JAK1: variants seen among roughly 807,000 people sequenced by gnomAD.
The protein encoded by JAK1 is Janus kinase 1, also known as tyrosine-protein kinase JAK1.
A neutral mutation model predicts 136.6 loss-of-function variants in JAK1; 16 were observed. The ratio of observed to expected loss-of-function variants is 0.12; its 90% confidence interval spans 0.08 to 0.18. The LOEUF is 0.18. Among genes scored for constraint, JAK1 ranks in the 10% least tolerant of loss-of-function variants. The probability of loss-of-function intolerance (pLI) is 1.00; values close to 1 mark genes in which losing one functional copy is unlikely to be tolerated. For missense variants in JAK1, 859 were observed against 1,450.1 expected (o/e 0.59, Z 6.62); for synonymous variants, 492 against 519.5 (o/e 0.95, Z 0.72).
At chr1:64,974,144 A>G (rs1015633225) in intron 2 of JAK1, 1 of 152,224 alleles carries the variant, frequency 6.6e-6, no homozygotes, top group African/African-American at 2.4e-5. Flanking sequence ...TGGTATGGGT[A>G]TCACACATTT....
At chr1:64,960,901 C>T (rs1273303552) in intron 1 of JAK1, among the ~76,000 whole-genome samples, 3 of 152,190 alleles carry the variant, frequency 2.0e-5, no homozygotes, top group Non-Finnish European at 4.4e-5. Flanking sequence ...CCATACTGTG[C>T]TGTGATTAAC....
At chr1:64,851,224 C>G (rs978536928) in intron 11 of JAK1, among the ~76,000 whole-genome samples, 2 of 152,100 alleles carry the variant, frequency 1.3e-5, no homozygotes, top group Non-Finnish European at 2.9e-5. Context: ...GAAACAGTTT[C>G]CCTAATGAAA....
intron 2 of JAK1, among the ~76,000 whole-genome samples, chr1:65,002,801 G>C (rs1295136702): frequency 2.6e-5 from 4 of 152,178 alleles, no homozygotes; most frequent in East Asian, 1.9e-4. Context: ...TGCGCCTGCC[G>C]CAGTTCCCGC....
chr1:64,928,798 A>AAAAAAAAAAAAAAC (rs1557699679), intron 1 of JAK1, among the ~76,000 whole-genome samples: 10 of 89,982 alleles, frequency 1.1e-4, no homozygotes, highest in African/African-American at 5.2e-4. Flanking sequence ...AAAAAAAAAC[A>AAAAAAAAAAAAAAC]AAAAAAAAAA....
intron 1 of JAK1, among the ~76,000 whole-genome samples, chr1:64,951,266 G>C (rs897185514): frequency 6.6e-6 from 1 of 152,096 alleles, no homozygotes; most frequent in Non-Finnish European, 1.5e-5. Flanking sequence ...GTCTCAATTC[G>C]ACCTAGCATA....
chr1:64,942,011 A>G lies in JAK1; in HGVS notation c.-78+24322T>C, dbSNP rs542388001. ...ATACAAGAACGATCCAGAATTATAT[A>G]AAAATCCAAAGAGAGAGAAACTACT... is the stretch of plus-strand genomic sequence containing the variant. On this transcript the variant is annotated intron_variant, in intron 1 of 24. Transcript: ENST00000342505. 2.6e-5 allele frequency: 4 copies of G among 152,370 alleles called. No individual in the cohort carries two copies. The East Asian group carries it at 7.7e-4, about 29-fold the overall frequency. 9.4% of individuals were successfully genotyped at this position (152,370 alleles called of 1,614,324 possible).
chr1:64,983,887 C>T (rs979252856), intron 2 of JAK1, among the ~76,000 whole-genome samples: 25 of 152,180 alleles, frequency 1.6e-4, no homozygotes, highest in Non-Finnish European at 5.9e-5. Context: ...AGAAATTAAA[C>T]TTAAGAGTTT....
chr1:64,838,252 GAACA>G, intron 21 of JAK1, 148 bp from the exon 22 acceptor site: 2 of 942,436 alleles, frequency 2.1e-6, no homozygotes, highest in Non-Finnish European at 3.1e-6. Context: ...AGAATATTAA[GAACA>G]AACTGATTCA....
At chr1:64,993,963 C>A (rs1262611185) in intron 2 of JAK1, among the ~76,000 whole-genome samples, 2 of 151,658 alleles carry the variant, frequency 1.3e-5, no homozygotes, top group Non-Finnish European at 2.9e-5. Context: ...TTTTTTGAGA[C>A]AAGGTCTCTC....
intron 1 of JAK1, among the ~76,000 whole-genome samples, chr1:64,886,793 G>C (rs1981066): frequency 0.066 from 6,875 of 103,924 alleles, 538 homozygotes; most frequent in African/African-American, 0.26. Context: ...CACACACACA[G>C]AGCTTTGTAT....
intron 1 of JAK1, among the ~76,000 whole-genome samples, chr1:64,910,605 G>A (rs1039617219): frequency 6.6e-6 from 1 of 152,052 alleles, no homozygotes; most frequent in Admixed American, 6.5e-5. Flanking sequence ...AGGCTAAGGC[G>A]GGCTGATCAC....
intron 2 of JAK1, among the ~76,000 whole-genome samples, chr1:64,999,225 T>A (rs1646730912): frequency 6.6e-6 from 1 of 152,240 alleles, no homozygotes; most frequent in African/African-American, 2.4e-5. Flanking sequence ...CTTCTCAGCA[T>A]GACATAATAG....
intron 2 of JAK1, among the ~76,000 whole-genome samples, chr1:65,030,868 A>G (rs915311959): frequency 6.6e-6 from 1 of 151,960 alleles, no homozygotes; most frequent in Non-Finnish European, 1.5e-5. Context: ...AAAAGAAAAA[A>G]CGGTGGCCAG....
At chr1:64,842,370 GA>G (rs1654960541) in intron 17 of JAK1, among the ~76,000 whole-genome samples, 1 of 147,696 alleles carries the variant, frequency 6.8e-6, no homozygotes, top group Non-Finnish European at 1.5e-5. Context: ...ACTTTTGGAA[GA>G]TGAAGTGAAA....
At chr1:64,908,915 T>C (rs1007569684) in intron 1 of JAK1, among the ~76,000 whole-genome samples, 1 of 151,980 alleles carries the variant, frequency 6.6e-6, no homozygotes, top group African/African-American at 2.4e-5. Flanking sequence ...AGCTCTATCA[T>C]CAAAAAGCCC....
intron 1 of JAK1, among the ~76,000 whole-genome samples, chr1:64,924,361 G>A (rs1427927473): frequency 2.0e-5 from 3 of 152,176 alleles, no homozygotes; most frequent in Non-Finnish European, 4.4e-5. Context: ...AAGAATGTCT[G>A]GGGAGACATT....
chr1:64,868,174 G>C (rs310236), intron 6 of JAK1, among the ~76,000 whole-genome samples: 58,726 of 152,044 alleles, frequency 0.39, 12,198 homozygotes, highest in African/African-American at 0.54. Context: ...TAGTGGGCGA[G>C]TATCTACAAC....
At chr1:64,980,728 C>A (rs1002573119) in intron 2 of JAK1, among the ~76,000 whole-genome samples, 1 of 152,046 alleles carries the variant, frequency 6.6e-6, no homozygotes, top group Non-Finnish European at 1.5e-5. Flanking sequence ...CCCTCCTCCC[C>A]CTACCCCACG....
intron 1 of JAK1, among the ~76,000 whole-genome samples, chr1:64,900,781 G>GAGTACTTA (rs1290547192): frequency 1.3e-5 from 2 of 152,130 alleles, no homozygotes; most frequent in Non-Finnish European, 2.9e-5. Context: ...TACTCTCTTA[G>GAGTACTTA]GTGACATGGC....
Sources: gnomAD v4.1 joint callset for allele counts (sites outside exome capture counted in the v4.1 genomes callset) on GRCh38, gnomAD v4.1.1 for gene constraint, MANE v1.5 for transcripts, NCBI Gene and HGNC (gene_info 2026-07-23, HGNC 2026-07-21) for gene names.